Variants in CENPP observed in about 807,000 individuals in gnomAD.
The protein encoded by CENPP is centromere protein P.
Under a neutral mutation model 35.6 loss-of-function variants are expected in CENPP, and 24 were observed. The ratio of observed to expected loss-of-function variants is 0.67; its 90% CI spans 0.49 to 0.95. The LOEUF (loss-of-function observed/expected upper bound fraction) is 0.95, where lower values mean the gene tolerates loss of function less well. Ranked by LOEUF, CENPP falls within the 40% of genes least tolerant of loss-of-function variation. The pLI is 0.00. For synonymous variants in CENPP, 120 were observed against 125.5 expected (o/e 0.96, Z 0.29); for missense variants, 332 against 345.3 (o/e 0.96, Z 0.31).
chr9:92,439,212 T>C (rs1466542013), intron 5 of CENPP, among the ~76,000 whole-genome samples: 3 of 152,296 alleles, frequency 2.0e-5, no homozygotes, highest in East Asian at 1.9e-4. Flanking sequence ...ATTTTAAAAA[T>C]ATAATAATAG....
At chr9:92,540,114 T>G (rs3927488) in intron 5 of CENPP, among the ~76,000 whole-genome samples, 63,793 of 152,112 alleles carry the variant, frequency 0.42, 15,641 homozygotes, top group African/African-American at 0.68. Flanking sequence ...ATACTGATAG[T>G]TTGATACCAA....
At position 92,379,678 on chromosome 9, in the gene CENPP, A is replaced by G. The variant is rs902247657; in HGVS notation, c.468-85A>G. On this transcript the variant is annotated intron_variant, in intron 4 of 7. Transcript: ENST00000375587. ...TTCAAGTTTTTGGTTTTAGTGTAGG[A>G]TACATGAAAAGGAAAAGAAATAAAG... 16 of 1,049,598 alleles carry G rather than the reference A, an allele frequency of 1.5e-5. No individual in the cohort carries two copies. In the East Asian group the frequency reaches 3.6e-4, roughly 24 times the overall value. The allele number at this position is 1,049,598 out of a possible 1,614,324, so 65.0% of individuals were successfully genotyped here.
At chr9:92,445,613 G>T (rs1346717938) in intron 5 of CENPP, among the ~76,000 whole-genome samples, 2 of 152,148 alleles carry the variant, frequency 1.3e-5, no homozygotes, top group East Asian at 3.9e-4. Flanking sequence ...GCCGGGCGTG[G>T]TAGCTCACGC....
Position 92,415,735 on chromosome 9 carries a change from A to G in CENPP, c.564+35876A>G, listed in dbSNP as rs192518117. Among the ~76,000 whole-genome samples, 1,177 of 149,340 alleles carry G rather than the reference A, an allele frequency of 7.9e-3. 7 individuals are homozygous for G. The highest frequency in any genetic ancestry group is 0.012 in the Non-Finnish European group (833 of 67,370). ...CCTAGTAGAACAATCTCAAAAAAAA[A>G]TTATCTACAATCCCACTACTTAGGA... On this transcript the variant is annotated intron_variant, in intron 5 of 7. Transcript: ENST00000375587.
intron 5 of CENPP, among the ~76,000 whole-genome samples, chr9:92,554,516 G>T (rs935479700): frequency 6.6e-6 from 1 of 151,820 alleles, no homozygotes; most frequent in African/African-American, 2.4e-5. Context: ...GGTGTATCAC[G>T]TTTATTGACC....
At chr9:92,405,345 A>C (rs1843275890) in intron 5 of CENPP, among the ~76,000 whole-genome samples, 1 of 152,100 alleles carries the variant, frequency 6.6e-6, no homozygotes, top group Non-Finnish European at 1.5e-5. Context: ...AATCAAATTA[A>C]CTTTTCTCCT....
intron 5 of CENPP, chr9:92,424,539 G>A (rs1392609896): frequency 6.6e-6 from 1 of 152,050 alleles, no homozygotes; most frequent in Non-Finnish European, 1.5e-5. Context: ...TAATGTGAAA[G>A]GCAAACAAAA....
chr9:92,555,002 G>GTTT (rs1849690984), intron 5 of CENPP, among the ~76,000 whole-genome samples: 1 of 140,884 alleles, frequency 7.1e-6, no homozygotes, highest in Non-Finnish European at 1.5e-5. Context: ...GGTCTGTATT[G>GTTT]TTTGTTGTTG....
At chr9:92,597,273 C>G (rs1326775) in intron 5 of CENPP, among the ~76,000 whole-genome samples, 62 of 152,034 alleles carry the variant, frequency 4.1e-4, no homozygotes, top group African/African-American at 1.4e-3. Context: ...TAGTGCAAGT[C>G]GACTGCACAG....
At chr9:92,327,654 A>ATGTT (rs1450852687) in intron 1 of CENPP, among the ~76,000 whole-genome samples, 1 of 152,244 alleles carries the variant, frequency 6.6e-6, no homozygotes. Context: ...TGTTAGAACA[A>ATGTT]GTCCATGGTT....
intron 5 of CENPP, among the ~76,000 whole-genome samples, chr9:92,454,312 G>A (rs1157486957): frequency 1.3e-5 from 2 of 151,986 alleles, no homozygotes; most frequent in Non-Finnish European, 2.9e-5. Flanking sequence ...TTAAAATTTT[G>A]GTTTTGTCTT....
intron 5 of CENPP, among the ~76,000 whole-genome samples, chr9:92,571,446 A>G (rs1233908193): frequency 6.6e-6 from 1 of 152,152 alleles, no homozygotes; most frequent in Non-Finnish European, 1.5e-5. Flanking sequence ...TCTGAGAGAC[A>G]GTTTGTTATA....
chr9:92,481,603 T>C (rs1845915588), intron 5 of CENPP, among the ~76,000 whole-genome samples: 1 of 152,112 alleles, frequency 6.6e-6, no homozygotes, highest in Non-Finnish European at 1.5e-5. Context: ...ACTTTGGGAG[T>C]AGACAAAGGA....
chr9:92,588,233 TTTTG>T (rs757833460), intron 5 of CENPP, among the ~76,000 whole-genome samples: 39 of 151,696 alleles, frequency 2.6e-4, no homozygotes, highest in Admixed American at 4.6e-4. Flanking sequence ...GCTGTGAGTT[TTTTG>T]TTTGTTTGTT....
intron 5 of CENPP, among the ~76,000 whole-genome samples, chr9:92,398,612 A>G (rs1012401594): frequency 6.6e-6 from 1 of 151,372 alleles, no homozygotes; most frequent in African/African-American, 2.4e-5. Flanking sequence ...TTCCTCATTC[A>G]TTTTTACAAC....
chr9:92,512,027 C>A (rs1588205882), intron 5 of CENPP: 1 of 1,612,276 alleles, frequency 6.2e-7, no homozygotes, highest in South Asian at 1.1e-5. Flanking sequence ...TGCTTTTGGA[C>A]CTATGCCTGA....
intron 5 of CENPP, among the ~76,000 whole-genome samples, chr9:92,435,585 C>G (rs1487182653): frequency 6.6e-6 from 1 of 152,184 alleles, no homozygotes; most frequent in Non-Finnish European, 1.5e-5. Flanking sequence ...CCCCCTTCAT[C>G]TTTAAACCCT....
At chr9:92,444,728 G>A (rs1460916457) in intron 5 of CENPP, among the ~76,000 whole-genome samples, 2 of 152,164 alleles carry the variant, frequency 1.3e-5, no homozygotes, top group Non-Finnish European at 2.9e-5. Context: ...GCCTGTGGGC[G>A]AGTACCTGCA....
At chr9:92,348,580 C>T (rs374987190) in intron 4 of CENPP, among the ~76,000 whole-genome samples, 3 of 151,910 alleles carry the variant, frequency 2.0e-5, no homozygotes, top group Non-Finnish European at 2.9e-5. Context: ...TTAGTAGAGA[C>T]GGGGTTTCAC....
Sources: gnomAD v4.1 joint callset for allele counts (sites outside exome capture counted in the v4.1 genomes callset) on GRCh38, gnomAD v4.1.1 for gene constraint, MANE v1.5 for transcripts, NCBI Gene and HGNC (gene_info 2026-07-23, HGNC 2026-07-21) for gene names.